The following SH3GL2 variants were observed in gnomAD, a reference collection of about 807,000 sequenced individuals.
The protein encoded by SH3GL2 is endophilin-A1.
A neutral mutation model predicts 46.0 loss-of-function variants in SH3GL2; 24 were observed. The observed-to-expected ratio is 0.52, with a 90% CI of 0.38 to 0.73. SH3GL2 has a LOEUF of 0.73. Among genes scored for constraint, SH3GL2 ranks in the 30% least tolerant of loss-of-function variants. SH3GL2 has a pLI of 0.00. For missense variants in SH3GL2, 413 were observed against 424.2 expected (o/e 0.97, Z 0.23); for synonymous variants, 196 against 147.1 (o/e 1.33, Z -2.40).
At chr9:17,701,807 A>G (rs1303130748) in intron 1 of SH3GL2, among the ~76,000 whole-genome samples, 9 of 152,152 alleles carry the variant, frequency 5.9e-5, no homozygotes, top group Non-Finnish European at 2.9e-5. Flanking sequence ...AGAAAAAGAC[A>G]TGAGAAACAG....
intron 3 of SH3GL2, 68 bp downstream of exon 3, chr9:17,761,577 T>G: frequency 1.0e-6 from 1 of 993,298 alleles, no homozygotes; most frequent in Non-Finnish European, 1.6e-6. Flanking sequence ...TGATAGACAT[T>G]TTAAGTTTGG....
intron 1 of SH3GL2, among the ~76,000 whole-genome samples, chr9:17,730,986 C>G (rs1241849802): frequency 6.6e-6 from 1 of 152,078 alleles, no homozygotes; most frequent in African/African-American, 2.4e-5. Flanking sequence ...AGATTTGGGA[C>G]TTGAGGCATG....
chr9:17,698,544 A>C (rs1052207058), intron 1 of SH3GL2, among the ~76,000 whole-genome samples: 14 of 152,230 alleles, frequency 9.2e-5, no homozygotes, highest in African/African-American at 2.9e-4. Context: ...AGATAAACTA[A>C]GAAAATTGGA....
At chr9:17,624,236 C>T (rs1344695000) in intron 1 of SH3GL2, among the ~76,000 whole-genome samples, 1 of 152,116 alleles carries the variant, frequency 6.6e-6, no homozygotes, top group Non-Finnish European at 1.5e-5. Context: ...CCATCGGTGG[C>T]GATGATTTTT....
intron 2 of SH3GL2, among the ~76,000 whole-genome samples, chr9:17,752,434 C>T (rs556370654): frequency 6.6e-6 from 1 of 152,096 alleles, no homozygotes; most frequent in Non-Finnish European, 1.5e-5. Context: ...TTTTATGTTA[C>T]CACTGTGAGT....
At chr9:17,650,743 T>C (rs1203044067) in intron 1 of SH3GL2, among the ~76,000 whole-genome samples, 3 of 152,248 alleles carry the variant, frequency 2.0e-5, no homozygotes, top group Admixed American at 1.3e-4. Context: ...GAATACATTA[T>C]ACAGTCTTTC....
intron 1 of SH3GL2, among the ~76,000 whole-genome samples, chr9:17,606,440 A>G (rs895712453): frequency 6.6e-6 from 1 of 152,174 alleles, no homozygotes; most frequent in Non-Finnish European, 1.5e-5. Flanking sequence ...CCCAAGTGTT[A>G]CCAAGCTGCA....
intron 1 of SH3GL2, among the ~76,000 whole-genome samples, chr9:17,680,963 G>C (rs1022672656): frequency 2.0e-5 from 3 of 152,092 alleles, no homozygotes; most frequent in African/African-American, 7.2e-5. Flanking sequence ...TTAATCCTGA[G>C]TTCTAGTTTG....
chr9:17,612,657 C>G (rs1357441408), intron 1 of SH3GL2, among the ~76,000 whole-genome samples: 2 of 152,162 alleles, frequency 1.3e-5, no homozygotes, highest in Non-Finnish European at 2.9e-5. Context: ...GAAAAAGCAG[C>G]TCACTGAGCT....
intron 1 of SH3GL2, among the ~76,000 whole-genome samples, chr9:17,688,115 C>A (rs945705989): frequency 6.6e-6 from 1 of 152,002 alleles, no homozygotes; most frequent in Non-Finnish European, 1.5e-5. Flanking sequence ...AATTAAAATA[C>A]CTCTGAACTT....
chr9:17,611,837 G>A (rs1191245784), intron 1 of SH3GL2, among the ~76,000 whole-genome samples: 1 of 152,150 alleles, frequency 6.6e-6, no homozygotes, highest in African/African-American at 2.4e-5. Context: ...CCCCAGGTCT[G>A]CCCAACTCCT....
At chr9:17,732,826 A>T (rs1245862318) in intron 1 of SH3GL2, among the ~76,000 whole-genome samples, 2 of 152,184 alleles carry the variant, frequency 1.3e-5, no homozygotes, top group East Asian at 3.9e-4. Flanking sequence ...AGCAAATTTT[A>T]AAAAATTTAA....
At chr9:17,767,502 A>G (rs1284282305) in intron 3 of SH3GL2, among the ~76,000 whole-genome samples, 2 of 152,232 alleles carry the variant, frequency 1.3e-5, no homozygotes, top group African/African-American at 4.8e-5. Context: ...CTTGGCATTC[A>G]TGTAGACAAA....
At chr9:17,688,382 T>G (rs1286936070) in intron 1 of SH3GL2, among the ~76,000 whole-genome samples, 1 of 152,044 alleles carries the variant, frequency 6.6e-6, no homozygotes, top group Admixed American at 6.6e-5. Context: ...AAGGAGAATA[T>G]TAGATATAAG....
intron 1 of SH3GL2, among the ~76,000 whole-genome samples, chr9:17,639,258 G>A (rs1277637733): frequency 6.6e-6 from 1 of 152,092 alleles, no homozygotes; most frequent in African/African-American, 2.4e-5. Context: ...ATAGATCTGG[G>A]GGAACAAGGC....
chr9:17,618,891 G>C (rs778551503), intron 1 of SH3GL2, among the ~76,000 whole-genome samples: 15 of 151,824 alleles, frequency 9.9e-5, no homozygotes, highest in Non-Finnish European at 2.1e-4. Flanking sequence ...GAGAGAAAGA[G>C]AGAAACGTCT....
At chr9:17,580,369 G>A (rs1383905822) in intron 1 of SH3GL2, among the ~76,000 whole-genome samples, 1 of 152,162 alleles carries the variant, frequency 6.6e-6, no homozygotes, top group Non-Finnish European at 1.5e-5. Flanking sequence ...TGGCAGCCTT[G>A]TTATGAACCA....
intron 1 of SH3GL2, among the ~76,000 whole-genome samples, chr9:17,687,395 A>G (rs1013895018): frequency 6.6e-6 from 1 of 152,062 alleles, no homozygotes; most frequent in African/African-American, 2.4e-5. Context: ...GAAGTACAGT[A>G]TTGTTGCAGA....
chr9:17,630,648 A>G (rs3808741), intron 1 of SH3GL2, among the ~76,000 whole-genome samples: 79,003 of 152,116 alleles, frequency 0.52, 21,953 homozygotes, highest in Non-Finnish European at 0.64. Flanking sequence ...ACATAACACC[A>G]GTGGGACCAG....
Sources: gnomAD v4.1 joint callset for allele counts (sites outside exome capture counted in the v4.1 genomes callset) on GRCh38, gnomAD v4.1.1 for gene constraint, MANE v1.5 for transcripts, NCBI Gene and HGNC (gene_info 2026-07-23, HGNC 2026-07-21) for gene names.